Variants in DDX20 observed in about 807,000 individuals in gnomAD.
DDX20 encodes the protein DEAD-box helicase 20, also known as probable ATP-dependent RNA helicase DDX20.
DDX20 carries 61 observed loss-of-function variants against 76.4 expected under a neutral mutation model. That is an observed-to-expected ratio of 0.80 (90% CI 0.65 to 0.99). The LOEUF (loss-of-function observed/expected upper bound fraction) is 0.99, where lower values mean the gene tolerates loss of function less well. Ranked by LOEUF, DDX20 falls within the 50% of genes least tolerant of loss-of-function variation. DDX20 has a pLI of 0.00. For missense variants in DDX20, 976 were observed against 996.8 expected (o/e 0.98, Z 0.28); for synonymous variants, 357 against 357.4 (o/e 1.00, Z 0.01).
chr1:111,767,098 T>G lies in DDX20; in HGVS notation c.*199T>G. 2.4e-6 allele frequency: 1 copy of G among 408,982 alleles called. No individual in the cohort carries two copies. Among genetic ancestry groups the G allele is most frequent in the South Asian group, 6.9e-5 (1 of 14,570 alleles). The allele number at this position is 408,982 out of a possible 1,614,324, so 25.3% of individuals were successfully genotyped here. On this transcript the variant is annotated 3_prime_UTR_variant, in exon 11 of 11. Coordinates refer to ENST00000369702, the MANE Select transcript of DDX20 (RefSeq NM_007204.5). Reference sequence around the variant, plus strand: ...GTATATTATCTTCATTTTTAAGAGTTTCTTTAAGAAACTTCATCAGATTGT... The same window carrying G: ...GTATATTATCTTCATTTTTAAGAGTGTCTTTAAGAAACTTCATCAGATTGT...
chr1:111,762,668 C>T lies in DDX20; in HGVS notation c.1105-9C>T, dbSNP rs776506696. ...GCAAACAAATAATTGCTATCTTCTT[C>T]AATTCAAGACTTCTCGTGGGATTGA... On this transcript the variant is annotated splice_polypyrimidine_tract_variant and intron_variant, in intron 8 of 10. Coordinates refer to ENST00000369702, the MANE Select transcript of DDX20 (RefSeq NM_007204.5). The T allele has an allele frequency of 5.0e-6, 8 of 1,606,516 alleles. No individual in the cohort carries two copies. Among genetic ancestry groups the T allele is most frequent in the Non-Finnish European group, 6.0e-6 (7 of 1,174,344 alleles).
At chr1:111,759,973 C>CA (rs754870294) in intron 3 of DDX20, among the ~76,000 whole-genome samples, 3,742 of 56,748 alleles carry the variant, frequency 0.066, 122 homozygotes, top group Non-Finnish European at 0.11. Flanking sequence ...GACTCCATCT[C>CA]AAAAAAAAAA....
chr1:111,765,495 G>A (rs939265662), intron 10 of DDX20, among the ~76,000 whole-genome samples: 1 of 152,216 alleles, frequency 6.6e-6, no homozygotes, highest in Non-Finnish European at 1.5e-5. Context: ...TCTTTTTCTA[G>A]TGAGAGTGAG....
chr1:111,762,966 G>T lies in DDX20; in HGVS notation c.1271G>T (p.Arg424Ile). The T allele has an allele frequency of 1.2e-6, 2 of 1,613,704 alleles. No individual in the cohort carries two copies. The highest frequency in any genetic ancestry group is 1.7e-6 in the Non-Finnish European group (2 of 1,179,706). Reference sequence around the variant, plus strand: ...GGAGAGGAAGAAAATATGATGATGAGAATTGCCCAGAAATGTAATATCAAC... The same window carrying T: ...GGAGAGGAAGAAAATATGATGATGATAATTGCCCAGAAATGTAATATCAAC... The part of the protein sequence containing the change: ...CRGEEENMMM[R>I]IAQKCNINLL... Residue 424 changes from arginine to isoleucine, a missense_variant, in exon 10 of 11, where the codon AGA becomes ATA. Arg to Ile is a moderately conservative substitution (Grantham distance 97, BLOSUM62 -3). Transcript: ENST00000369702.
At chr1:111,756,251 C>CGGGG in intron 1 of DDX20, 26 bp downstream of exon 1, 2 of 694,630 alleles carry the variant, frequency 2.9e-6, no homozygotes, top group Non-Finnish European at 3.8e-6. Flanking sequence ...CGGGATAGGT[C>CGGGG]GGGGGGTGGG....
chr1:111,762,611 A>G (rs1663695574), intron 8 of DDX20, 66 bp from the exon 9 acceptor site: 1 of 1,306,930 alleles, frequency 7.7e-7, no homozygotes. Context: ...GAAGAATATA[A>G]TATGCATTGG....
At chr1:111,764,366 A>T (rs1260135637) in intron 10 of DDX20, among the ~76,000 whole-genome samples, 1 of 152,176 alleles carries the variant, frequency 6.6e-6, no homozygotes, top group South Asian at 2.1e-4. Context: ...AATATAATTG[A>T]GTATTTTACC....
At chr1:111,759,349 C>T (rs1006359034) in intron 2 of DDX20, 51 bp from the exon 3 acceptor site, 1 of 1,361,228 alleles carries the variant, frequency 7.3e-7, no homozygotes, top group East Asian at 2.3e-5. Context: ...TACCAGTCCC[C>T]TATGTATTTA....
At position 111,761,223 on chromosome 1, in the gene DDX20, T is replaced by C. The variant is rs747438600; in HGVS notation, c.963-3T>C. 1.2e-6 allele frequency: 2 copies of C among 1,613,246 alleles called. No individual in the cohort carries two copies. Among genetic ancestry groups the C allele is most frequent in the South Asian group, 2.2e-5 (2 of 90,894 alleles). On this transcript the variant is annotated splice_polypyrimidine_tract_variant and splice_region_variant and intron_variant, in intron 6 of 10. Transcript: ENST00000369702. ...TTGTAACCATTTATGTTATATTTCA[T>C]AGAGCACAACATTTGGCTGATATCC...
chr1:111,762,592 A>T, intron 8 of DDX20, 85 bp from the exon 9 acceptor site: 1 of 1,196,098 alleles, frequency 8.4e-7, no homozygotes, highest in Non-Finnish European at 1.2e-6. Flanking sequence ...TTGTCTCTTG[A>T]CTGTACTGGA....
intron 7 of DDX20, 37 bp from the exon 8 acceptor site, chr1:111,762,218 G>C (rs1350819190): frequency 5.1e-6 from 8 of 1,558,010 alleles, no homozygotes; most frequent in African/African-American, 1.4e-5. Context: ...TATTAGCTTA[G>C]TTGTTTTTAT....
chr1:111,760,871 T>TA (rs1222294680), intron 5 of DDX20, 23 bp downstream of exon 5: 1 of 1,596,802 alleles, frequency 6.3e-7, no homozygotes, highest in African/African-American at 1.4e-5. Context: ...TTTAGGTACT[T>TA]ATATTATTGG....
intron 2 of DDX20, among the ~76,000 whole-genome samples, chr1:111,757,074 G>C (rs200053159): frequency 8.0e-6 from 1 of 125,400 alleles, no homozygotes; most frequent in Non-Finnish European, 1.7e-5. Flanking sequence ...TTTTTTTTTT[G>C]AGACGGTGTC....
chr1:111,765,724 C>T lies in DDX20; in HGVS notation c.1313-13C>T, dbSNP rs779931842. The T allele has an allele frequency of 3.9e-6, 6 of 1,548,842 alleles. No homozygotes were observed. The African/African-American group carries it at 5.6e-5, about 14-fold the overall frequency. The stretch of plus-strand genomic sequence containing the variant: ...TTGAGAATTTTAATACATTTTTCTT[C>T]CTTTTTATGTAGATCCCATTCCTTC... On this transcript the variant is annotated splice_polypyrimidine_tract_variant and intron_variant, in intron 10 of 10. Transcript: ENST00000369702.
At position 111,767,399 on chromosome 1, in the gene DDX20, TG is replaced by T. The variant is rs746358139; in HGVS notation, c.*501del. 2 of 152,474 alleles carry T rather than the reference TG, an allele frequency of 1.3e-5. No homozygotes were observed. Among genetic ancestry groups the T allele is most frequent in the Non-Finnish European group, 2.9e-5 (2 of 68,236 alleles). The allele number at this position is 152,474 out of a possible 1,614,324, so 9.4% of individuals were successfully genotyped here. The stretch of plus-strand genomic sequence containing the variant: ...TAGGCAGGAAGGAATATTTAAACAT[TG>T]CTTTAGATTTTCCTAAAGGTATTTG... On this transcript the variant is annotated 3_prime_UTR_variant, in exon 11 of 11. Transcript: ENST00000369702.
intron 2 of DDX20, 41 bp from the exon 3 acceptor site, chr1:111,759,359 A>T: frequency 6.7e-7 from 1 of 1,484,572 alleles, no homozygotes. Flanking sequence ...CTATGTATTT[A>T]TTCCTCTGAC....
chr1:111,756,972 A>G (rs1487295020), intron 2 of DDX20, among the ~76,000 whole-genome samples: 3 of 152,098 alleles, frequency 2.0e-5, no homozygotes, highest in Non-Finnish European at 4.4e-5. Flanking sequence ...TTCTTCTTTT[A>G]CTTACTGACT....
At position 111,765,733 on chromosome 1, in the gene DDX20, G is replaced by A; in HGVS notation, c.1313-4G>A. ...TTAATACATTTTTCTTCCTTTTTAT[G>A]TAGATCCCATTCCTTCTGGTCTGAT... On this transcript the variant is annotated splice_region_variant and splice_polypyrimidine_tract_variant and intron_variant, in intron 10 of 10. Coordinates refer to ENST00000369702, the MANE Select transcript of DDX20 (RefSeq NM_007204.5). 6.4e-7 allele frequency: 1 copy of A among 1,568,508 alleles called. No individual in the cohort carries two copies. Among genetic ancestry groups the A allele is most frequent in the Non-Finnish European group, 8.6e-7 (1 of 1,163,024 alleles).
intron 2 of DDX20, among the ~76,000 whole-genome samples, chr1:111,757,902 C>CT (rs1246543147): frequency 0.033 from 4 of 120 alleles, no homozygotes; most frequent in African/African-American, 0.1. Context: ...GTTGCCCAGG[C>CT]TGGAGTCAGT....
Sources: allele counts gnomAD v4.1 joint callset (sites outside exome capture counted in the v4.1 genomes callset), GRCh38; gene constraint gnomAD v4.1.1; transcripts MANE v1.5; gene names NCBI Gene and HGNC (gene_info 2026-07-23, HGNC 2026-07-21).